Variants in PID1 observed in about 807,000 individuals in gnomAD.
PID1 encodes phosphotyrosine interaction domain containing 1, also known as PTB-containing, cubilin and LRP1-interacting protein.
Under a neutral mutation model 19.1 loss-of-function variants are expected in PID1, and 10 were observed. The ratio of observed to expected loss-of-function variants is 0.52; its 90% CI spans 0.32 to 0.89. The LOEUF is 0.89. PID1 is among the 40% of genes least tolerant of loss of function. The pLI is 0.03. For missense variants in PID1, 248 were observed against 285.3 expected (o/e 0.87, Z 0.94); for synonymous variants, 130 against 116.0 (o/e 1.12, Z -0.78).
At chr2:229,227,671 C>T (rs796678821) in intron 1 of PID1, among the ~76,000 whole-genome samples, 18 of 152,244 alleles carry the variant, frequency 1.2e-4, no homozygotes, top group African/African-American at 4.3e-4. Flanking sequence ...GGTACTGCAC[C>T]TTGCTCTTTC....
chr2:229,256,837 G>C (rs140712791), intron 1 of PID1, among the ~76,000 whole-genome samples: 2 of 152,090 alleles, frequency 1.3e-5, no homozygotes, highest in Non-Finnish European at 2.9e-5. Context: ...TAACATTCAC[G>C]GCAACCAGGA....
rs374582563 is a variant in PID1 at position 229,215,625 on chromosome 2, G to A, written c.30+55389C>T. Among the ~76,000 whole-genome samples the A allele has an allele frequency of 1.4e-3, 217 of 152,286 alleles. 1 individual carries two copies. Among genetic ancestry groups the A allele is most frequent in the African/African-American group, 5.1e-3 (211 of 41,564 alleles). The stretch of plus-strand genomic sequence containing the variant: ...AGCACTCAAACTACCACCATGGGGA[G>A]TTCCCATGAAAAGGGTATGTATAGA... On this transcript the variant is annotated intron_variant, in intron 1 of 2. Transcript: ENST00000392055.
Position 229,271,246 on chromosome 2 carries a change from G to C in PID1, c.-203C>G. On this transcript the variant is annotated 5_prime_UTR_variant, in exon 1 of 3. Coordinates refer to ENST00000392055, the MANE Select transcript of PID1 (RefSeq NM_001100818.2). ...TCAGCTGCCGGCAACTTGTGGGCAC[G>C]GCCGCGCGCCGGCTGTCCTGGCGCA... is the stretch of plus-strand genomic sequence containing the variant. 2.1e-6 allele frequency: 1 copy of C among 466,286 alleles called. No homozygotes were observed. Among genetic ancestry groups the C allele is most frequent in the East Asian group, 3.8e-5 (1 of 26,296 alleles). The allele number at this position is 466,286 out of a possible 1,614,324, so 28.9% of individuals were successfully genotyped here. A position where few individuals can be genotyped will look rare whatever the true frequency, so the allele number is the denominator to read the frequency against.
chr2:229,234,711 C>G (rs1007816283), intron 1 of PID1, among the ~76,000 whole-genome samples: 1 of 152,100 alleles, frequency 6.6e-6, no homozygotes, highest in Non-Finnish European at 1.5e-5. Flanking sequence ...GGCCATTTGC[C>G]TACTAGAAAT....
rs138237177 is a variant in PID1, at chr2:229,232,043, C to A, written c.30+38971G>T. ...CCTCACACAGTGGAAGGCTAAGGGG[C>A]AGGCTGAACATGGCACGAAGCCTCT... On this transcript the variant is annotated intron_variant, in intron 1 of 2. Transcript: ENST00000392055. 8.2e-3 allele frequency: 12,740 copies of A among 1,544,270 alleles called. 123 individuals carry two copies. The highest frequency in any genetic ancestry group is 0.037 in the Admixed American group (1,856 of 49,558).
intron 1 of PID1, among the ~76,000 whole-genome samples, chr2:229,185,418 C>T (rs1012053742): frequency 6.6e-6 from 1 of 152,118 alleles, no homozygotes; most frequent in East Asian, 1.9e-4. Flanking sequence ...CAAGTCTTTC[C>T]CCCTGTATTA....
At chr2:229,048,615 A>AT (rs1201938283) in intron 2 of PID1, among the ~76,000 whole-genome samples, 5 of 152,164 alleles carry the variant, frequency 3.3e-5, no homozygotes, top group Non-Finnish European at 7.4e-5. Context: ...CATCAGCTCC[A>AT]TGTAGGCTGC....
chr2:229,128,536 G>A (rs773988677), intron 2 of PID1, among the ~76,000 whole-genome samples: 3 of 151,770 alleles, frequency 2.0e-5, no homozygotes, highest in Middle Eastern at 3.4e-3. Context: ...GAATATAGTC[G>A]ACTTACACCA....
chr2:229,046,853 A>G (rs1028602809), intron 2 of PID1, among the ~76,000 whole-genome samples: 13 of 152,212 alleles, frequency 8.5e-5, no homozygotes, highest in African/African-American at 3.1e-4. Context: ...ATGTTCTGCA[A>G]TCCAACGGTC....
intron 1 of PID1, among the ~76,000 whole-genome samples, chr2:229,197,139 A>C (rs1023887534): frequency 2.0e-5 from 3 of 152,078 alleles, no homozygotes; most frequent in African/African-American, 7.2e-5. Context: ...ACAAAGGTGA[A>C]ATAACAAATA....
chr2:229,105,470 A>T (rs1251902567), intron 2 of PID1, among the ~76,000 whole-genome samples: 2 of 152,214 alleles, frequency 1.3e-5, no homozygotes, highest in East Asian at 3.9e-4. Flanking sequence ...GAGATATGCA[A>T]TTTTTTAAAG....
intron 2 of PID1, among the ~76,000 whole-genome samples, chr2:229,030,218 A>G (rs1693517657): frequency 6.6e-6 from 1 of 152,226 alleles, no homozygotes; most frequent in Non-Finnish European, 1.5e-5. Flanking sequence ...AACATCATAG[A>G]AACAGACCAA....
chr2:229,262,864 C>A, intron 1 of PID1: 1 of 1,541,664 alleles, frequency 6.5e-7, no homozygotes, highest in Non-Finnish European at 8.8e-7. Flanking sequence ...ATGGCCTTCT[C>A]TGTGCCGCTT....
At chr2:229,063,111 C>T (rs1694245706) in intron 2 of PID1, among the ~76,000 whole-genome samples, 2 of 151,938 alleles carry the variant, frequency 1.3e-5, no homozygotes, top group Admixed American at 1.3e-4. Context: ...TGTCTAATAT[C>T]TATTACATTT....
chr2:229,251,280 T>C (rs1690142850), intron 1 of PID1, among the ~76,000 whole-genome samples: 1 of 152,092 alleles, frequency 6.6e-6, no homozygotes, highest in African/African-American at 2.4e-5. Flanking sequence ...ACTGTATTTT[T>C]TTTTTTTTCA....
chr2:229,158,661 C>T (rs919551129), intron 1 of PID1, among the ~76,000 whole-genome samples: 5 of 151,948 alleles, frequency 3.3e-5, no homozygotes, highest in South Asian at 4.1e-4. Context: ...CTCACTGCTT[C>T]GTCCAAGTTG....
chr2:229,215,652 A>C (rs1691828695), intron 1 of PID1, among the ~76,000 whole-genome samples: 1 of 152,230 alleles, frequency 6.6e-6, no homozygotes, highest in Non-Finnish European at 1.5e-5. Context: ...ATGTATAGAC[A>C]GGTGTAGGCT....
At chr2:229,036,408 C>T (rs1447256429) in intron 2 of PID1, among the ~76,000 whole-genome samples, 1 of 152,106 alleles carries the variant, frequency 6.6e-6, no homozygotes, top group Non-Finnish European at 1.5e-5. Context: ...GTCTCTGATA[C>T]CATTTTGGGG....
intron 2 of PID1, among the ~76,000 whole-genome samples, chr2:229,112,466 T>C (rs1178607726): frequency 2.6e-5 from 4 of 152,110 alleles, no homozygotes; most frequent in Non-Finnish European, 5.9e-5. Context: ...AGGGGTAATG[T>C]GTTTCTAAAA....
Sources: allele counts gnomAD v4.1 joint callset (sites outside exome capture counted in the v4.1 genomes callset), GRCh38; gene constraint gnomAD v4.1.1; transcripts MANE v1.5; gene names NCBI Gene and HGNC (gene_info 2026-07-23, HGNC 2026-07-21).